Variants in SPECC1L observed in about 807,000 individuals in gnomAD.
The protein encoded by SPECC1L is cytospin-A.
A neutral mutation model predicts 116.8 loss-of-function variants in SPECC1L; 40 were observed. The ratio of observed to expected loss-of-function variants is 0.34; its 90% CI spans 0.27 to 0.45. The LOEUF is 0.45. Ranked by LOEUF, SPECC1L falls within the 20% of genes least tolerant of loss-of-function variation. The pLI, the probability that SPECC1L is intolerant of heterozygous loss-of-function variation, is 1.00. For synonymous variants in SPECC1L, 504 were observed against 500.6 expected, an observed-to-expected ratio of 1.01 and a Z score of -0.09; for missense variants, 1,110 against 1,373.6, an observed-to-expected ratio of 0.81 and a Z score of 3.03.
chr22:24,334,406 T>C lies in SPECC1L; in HGVS notation c.2397-4T>C. On this transcript the variant is annotated splice_region_variant and splice_polypyrimidine_tract_variant and intron_variant, in intron 8 of 16. Transcript: ENST00000314328. Reference sequence around the variant, plus strand: ...AAATGCTCTGATTTCAATATTATTTTCAGGCAAGAGGAGGAGCGAGGCCGG... The same window carrying C: ...AAATGCTCTGATTTCAATATTATTTCCAGGCAAGAGGAGGAGCGAGGCCGG... 6.2e-7 allele frequency: 1 copy of C among 1,614,070 alleles called. No homozygotes were observed. Among genetic ancestry groups the C allele is most frequent in the East Asian group, 2.2e-5 (1 of 44,874 alleles).
At chr22:24,351,700 A>G (rs141375756) in intron 11 of SPECC1L, among the ~76,000 whole-genome samples, 109 of 152,288 alleles carry the variant, frequency 7.2e-4, no homozygotes, top group African/African-American at 2.5e-3. Context: ...GAACAACCAA[A>G]TGATTCGTGG....
intron 11 of SPECC1L, among the ~76,000 whole-genome samples, chr22:24,353,589 G>T (rs574346394): frequency 6.6e-6 from 1 of 151,932 alleles, no homozygotes; most frequent in Admixed American, 6.6e-5. Context: ...GTATTTTTTG[G>T]TAGAGATGGA....
At chr22:24,318,501 G>A (rs1020080225) in intron 4 of SPECC1L, among the ~76,000 whole-genome samples, 1 of 152,200 alleles carries the variant, frequency 6.6e-6, no homozygotes, top group African/African-American at 2.4e-5. Flanking sequence ...GGCATCAGAG[G>A]GAGACCGTGG....
rs1010776461 is a variant in SPECC1L, at chr22:24,369,278, C to T, written c.3045C>T (p.Asn1015=). 12 of 1,614,090 alleles carry T rather than the reference C, an allele frequency of 7.4e-6. No individual in the cohort carries two copies. The highest frequency in any genetic ancestry group is 1.7e-4 in the Middle Eastern group (1 of 6,060). The change falls in exon 14 of 17, where the codon AAC becomes AAT. Residue 1015 remains asparagine, a synonymous_variant. Transcript: ENST00000314328. ...LAREYGGSKR[N]ALLKWCQKKT... ...GAGAATATGGAGGATCAAAGAGGAA[C>T]GCCTTGCTGAAGTGGTGTCAGAAGA...
At chr22:24,372,441 T>G (rs1018832657) in intron 14 of SPECC1L, among the ~76,000 whole-genome samples, 5 of 152,176 alleles carry the variant, frequency 3.3e-5, no homozygotes, top group African/African-American at 1.2e-4. Flanking sequence ...CATGTGGGCT[T>G]CATCCCTGGG....
At chr22:24,327,176 G>A (rs961129257) in intron 6 of SPECC1L, among the ~76,000 whole-genome samples, 5 of 151,048 alleles carry the variant, frequency 3.3e-5, no homozygotes, top group African/African-American at 1.2e-4. Context: ...TCCACAGGAG[G>A]CTGAGGCAGG....
chr22:24,414,525 G>A lies in SPECC1L; in HGVS notation c.3265-9G>A. On this transcript the variant is annotated splice_polypyrimidine_tract_variant and intron_variant, in intron 16 of 16. Transcript: ENST00000314328. ...GCAGTTCTAACCAAGCGTCTTCCTT[G>A]TCTGTCAGGACATTAATGAAATGGT... 1 of 1,613,534 alleles carries A rather than the reference G, an allele frequency of 6.2e-7. No homozygotes were observed. The highest frequency in any genetic ancestry group is 8.5e-7 in the Non-Finnish European group (1 of 1,179,656).
Position 24,391,873 on chromosome 22 carries a change from C to T in SPECC1L, c.3088-19715C>T, listed in dbSNP as rs537278625. Among the ~76,000 whole-genome samples, 3 of 152,234 alleles carry T rather than the reference C, an allele frequency of 2.0e-5. No individual in the cohort carries two copies. In the South Asian group the frequency reaches 6.2e-4, roughly 32 times the overall value. ...CACTAATGACATGGAGAAAACCTGC[C>T]GAATGTAATAAAATGGTTTGTTTGC... On this transcript the variant is annotated intron_variant, in intron 14 of 16. Transcript: ENST00000314328.
At chr22:24,412,200 A>G in intron 15 of SPECC1L, 1 of 352,274 alleles carries the variant, frequency 2.8e-6, no homozygotes, top group South Asian at 2.4e-5. Flanking sequence ...GTCAGGGAAG[A>G]AGCCCTACCC....
chr22:24,279,570 A>AATTATTATTATTATTATT (rs56978503), intron 2 of SPECC1L, among the ~76,000 whole-genome samples: 1 of 150,462 alleles, frequency 6.6e-6, no homozygotes, highest in African/African-American at 2.5e-5. Flanking sequence ...TTATTTTTTT[A>AATTATTATTATTATTATT]ATTATTATTA....
chr22:24,276,549 C>T (rs2146323556), intron 1 of SPECC1L, among the ~76,000 whole-genome samples, 151 bp from the exon 2 acceptor site: 1 of 152,352 alleles, frequency 6.6e-6, no homozygotes, highest in South Asian at 2.1e-4. Flanking sequence ...GGGAGAATCT[C>T]TTGAGCCTAG....
At chr22:24,343,506 G>T (rs138449725) in intron 10 of SPECC1L, 1 of 445,296 alleles carries the variant, frequency 2.2e-6, no homozygotes. Context: ...TGTCGCCCAC[G>T]CTGGAATGCA....
chr22:24,315,410 T>C (rs2040540261), intron 4 of SPECC1L, among the ~76,000 whole-genome samples: 1 of 152,280 alleles, frequency 6.6e-6, no homozygotes, highest in African/African-American at 2.4e-5. Flanking sequence ...GGCCATGCAT[T>C]CATTTGCTCA....
intron 14 of SPECC1L, 122 bp from the exon 15 acceptor site, chr22:24,411,466 C>A: frequency 1.1e-6 from 1 of 872,172 alleles, no homozygotes; most frequent in Non-Finnish European, 1.9e-6. Flanking sequence ...AGCCGCCCTG[C>A]CCTGGTTTTG....
chr22:24,281,594 A>G (rs1198662896), intron 2 of SPECC1L, among the ~76,000 whole-genome samples: 2 of 152,208 alleles, frequency 1.3e-5, no homozygotes, highest in Non-Finnish European at 2.9e-5. Context: ...TCAACTTCCC[A>G]TTATTCATTG....
chr22:24,412,242 G>A (rs1458854479), intron 15 of SPECC1L: 3 of 365,220 alleles, frequency 8.2e-6, no homozygotes, highest in African/African-American at 4.2e-5. Flanking sequence ...CAGGCCCGCA[G>A]CCCCCACCCC....
chr22:24,340,016 C>T (rs1419977460), intron 10 of SPECC1L, among the ~76,000 whole-genome samples: 3 of 151,962 alleles, frequency 2.0e-5, no homozygotes, highest in Admixed American at 6.5e-5. Context: ...AGCTCCTGAG[C>T]TCAGGTAATC....
chr22:24,316,953 G>T (rs2040586769), intron 4 of SPECC1L, among the ~76,000 whole-genome samples: 1 of 119,710 alleles, frequency 8.4e-6, no homozygotes, highest in African/African-American at 3.0e-5. Flanking sequence ...TGGCCGGGCC[G>T]AGGAGCTCCT....
At chr22:24,403,773 CTG>C (rs2042528108) in intron 14 of SPECC1L, among the ~76,000 whole-genome samples, 1 of 152,254 alleles carries the variant, frequency 6.6e-6, no homozygotes, top group African/African-American at 2.4e-5. Context: ...GAAGGGATAT[CTG>C]TGAAAGTTGT....
Sources: allele counts gnomAD v4.1 joint callset (sites outside exome capture counted in the v4.1 genomes callset), GRCh38; gene constraint gnomAD v4.1.1; transcripts MANE v1.5; gene names NCBI Gene and HGNC (gene_info 2026-07-23, HGNC 2026-07-21).